NCAM2: variants seen among roughly 807,000 people sequenced by gnomAD.
The protein encoded by NCAM2 is neural cell adhesion molecule 2.
A neutral mutation model predicts 98.1 loss-of-function variants in NCAM2; 30 were observed. The ratio of observed to expected loss-of-function variants is 0.31; its 90% CI spans 0.23 to 0.41. NCAM2 has a LOEUF of 0.41. Ranked by LOEUF, NCAM2 falls within the 10% of genes least tolerant of loss-of-function variation. The probability of loss-of-function intolerance (pLI) is 1.00; values close to 1 mark genes in which losing one functional copy is unlikely to be tolerated. For missense variants in NCAM2, 867 were observed against 1,005.8 expected (o/e 0.86, Z 1.87); for synonymous variants, 368 against 342.4 (o/e 1.07, Z -0.83).
chr21:21,242,152 C>G (rs1464554231), intron 1 of NCAM2, among the ~76,000 whole-genome samples: 1 of 1,640 alleles, frequency 6.1e-4, no homozygotes, highest in East Asian at 0.031. Context: ...TTCTTTGTTA[C>G]TAAAAAAGAA....
intron 13 of NCAM2, among the ~76,000 whole-genome samples, chr21:21,467,633 C>T (rs1983890924): frequency 6.6e-6 from 1 of 151,440 alleles, no homozygotes; most frequent in Non-Finnish European, 1.5e-5. Context: ...ATCACTTGAA[C>T]CAAGAAGCTC....
intron 1 of NCAM2, among the ~76,000 whole-genome samples, chr21:21,238,226 G>A (rs2070920195): frequency 6.6e-6 from 1 of 151,504 alleles, no homozygotes; most frequent in South Asian, 2.1e-4. Context: ...CAGAGTGCTG[G>A]GATTACAGGG....
At chr21:21,288,062 G>A (rs1483560900) in intron 4 of NCAM2, among the ~76,000 whole-genome samples, 2 of 151,424 alleles carry the variant, frequency 1.3e-5, no homozygotes, top group African/African-American at 2.4e-5. Context: ...ATAGTATTTG[G>A]TATAACCTAT....
intron 1 of NCAM2, among the ~76,000 whole-genome samples, chr21:21,032,050 T>A (rs6518037): frequency 0.72 from 109,882 of 152,026 alleles, 40,027 homozygotes; most frequent in Admixed American, 0.79. Context: ...CTAATCAAAG[T>A]TTATCAGGCA....
intron 1 of NCAM2, among the ~76,000 whole-genome samples, chr21:21,179,424 C>T (rs948722325): frequency 6.6e-6 from 1 of 152,032 alleles, no homozygotes. Flanking sequence ...TTTTTTTCCT[C>T]CCCTCATATA....
intron 1 of NCAM2, among the ~76,000 whole-genome samples, chr21:21,044,564 G>T (rs1033570249): frequency 3.3e-5 from 5 of 151,994 alleles, no homozygotes; most frequent in African/African-American, 1.2e-4. Context: ...AGACAATTAA[G>T]ATTTTTAGAT....
At position 21,048,895 on chromosome 21, in the gene NCAM2, C is replaced by T. The variant is rs140706958; in HGVS notation, c.55+50277C>T. On this transcript the variant is annotated intron_variant, in intron 1 of 17. Transcript: ENST00000400546. The stretch of plus-strand genomic sequence containing the variant: ...TTCTTCTTTGTTGGGTTTAATTCTC[C>T]TGACCTTAGATTTCTCATACAGTTT... Among the ~76,000 whole-genome samples the T allele has an allele frequency of 6.2e-3, 945 of 152,214 alleles. 8 individuals are homozygous for T. Among genetic ancestry groups the T allele is most frequent in the African/African-American group, 0.022 (893 of 41,530 alleles).
At chr21:21,012,354 A>G (rs1405826881) in intron 1 of NCAM2, among the ~76,000 whole-genome samples, 3 of 152,166 alleles carry the variant, frequency 2.0e-5, no homozygotes, top group Admixed American at 6.6e-5. Context: ...ATTGTGAATC[A>G]CTACAATGAT....
chr21:21,203,127 A>C (rs1273461931), intron 1 of NCAM2, among the ~76,000 whole-genome samples: 1 of 152,194 alleles, frequency 6.6e-6, no homozygotes, highest in African/African-American at 2.4e-5. Context: ...TTTAAATTAC[A>C]ATTCTGAGTT....
intron 12 of NCAM2, among the ~76,000 whole-genome samples, chr21:21,448,311 C>T (rs1025604680): frequency 4.6e-5 from 7 of 151,916 alleles, no homozygotes; most frequent in African/African-American, 1.7e-4. Context: ...CCAAACACCT[C>T]ATTTCTTACT....
At chr21:21,096,766 G>C (rs1031987075) in intron 1 of NCAM2, among the ~76,000 whole-genome samples, 3 of 151,492 alleles carry the variant, frequency 2.0e-5, no homozygotes, top group Non-Finnish European at 4.4e-5. Context: ...GTGTGTGTTG[G>C]TGTTACTTCA....
chr21:21,320,225 C>T (rs571896966), intron 5 of NCAM2, among the ~76,000 whole-genome samples: 2 of 152,226 alleles, frequency 1.3e-5, no homozygotes, highest in East Asian at 1.9e-4. Context: ...TGTAACAAGA[C>T]GGATATACCA....
At chr21:21,236,973 A>G (rs2070856976) in intron 1 of NCAM2, among the ~76,000 whole-genome samples, 1 of 152,166 alleles carries the variant, frequency 6.6e-6, no homozygotes, top group South Asian at 2.1e-4. Context: ...GTCTATTTTC[A>G]ACATTTTTCT....
At chr21:21,471,134 A>G (rs1036321753) in intron 14 of NCAM2, among the ~76,000 whole-genome samples, 8 of 152,022 alleles carry the variant, frequency 5.3e-5, no homozygotes, top group Admixed American at 3.3e-4. Context: ...CTCAATCACT[A>G]TCTCATCTCA....
intron 1 of NCAM2, among the ~76,000 whole-genome samples, chr21:21,127,291 ATT>A (rs1399612610): frequency 5.3e-5 from 8 of 151,936 alleles, no homozygotes; most frequent in Admixed American, 4.6e-4. Flanking sequence ...GAAATGGAAC[ATT>A]TGCAAGTATA....
intron 16 of NCAM2, among the ~76,000 whole-genome samples, chr21:21,530,268 TTA>T (rs928059752): frequency 5.9e-5 from 8 of 136,600 alleles, no homozygotes; most frequent in African/African-American, 2.2e-4. Context: ...TTTAATTTAA[TTA>T]TATATAATTT....
intron 1 of NCAM2, among the ~76,000 whole-genome samples, chr21:21,188,504 C>T (rs1251790192): frequency 6.6e-6 from 1 of 152,112 alleles, no homozygotes; most frequent in African/African-American, 2.4e-5. Context: ...CACCAATATT[C>T]TCTTATCATT....
At chr21:21,011,668 GA>G (rs1328590731) in intron 1 of NCAM2, among the ~76,000 whole-genome samples, 1 of 151,972 alleles carries the variant, frequency 6.6e-6, no homozygotes, top group African/African-American at 2.4e-5. Flanking sequence ...TACATCTTCA[GA>G]ACTTATTCAA....
rs767542061 is a variant in NCAM2 at position 21,460,907 on chromosome 21, CT to C, written c.1655-5697del. ...AGAGAAGAGCATTTAATTACAAAAC[CT>C]TAACTCATCCCAGTTCACCTGGCTA... On this transcript the variant is annotated intron_variant, in intron 12 of 17. Coordinates refer to ENST00000400546, the MANE Select transcript of NCAM2 (RefSeq NM_004540.5). Among the ~76,000 whole-genome samples, 9 of 149,928 alleles carry C rather than the reference CT, an allele frequency of 6.0e-5. No individual in the cohort carries two copies. The East Asian group carries it at 8.2e-4, about 14-fold the overall frequency.
Sources: allele counts gnomAD v4.1 joint callset (sites outside exome capture counted in the v4.1 genomes callset), GRCh38; gene constraint gnomAD v4.1.1; transcripts MANE v1.5; gene names NCBI Gene and HGNC (gene_info 2026-07-23, HGNC 2026-07-21).